MADD: variants seen among roughly 807,000 people sequenced by gnomAD.
MADD encodes MAP kinase-activating death domain protein.
MADD carries 109 observed loss-of-function variants against 176.7 expected under a neutral mutation model. That is an observed-to-expected ratio of 0.62 (90% CI 0.53 to 0.72). The LOEUF is 0.72. Ranked by LOEUF, MADD falls within the 30% of genes least tolerant of loss-of-function variation. MADD has a pLI of 0.00. For missense variants in MADD, 1,914 were observed against 2,045.5 expected (o/e 0.94, Z 1.24); for synonymous variants, 771 against 771.3 (o/e 1.00, Z 0.01).
intron 20 of MADD, among the ~76,000 whole-genome samples, chr11:47,295,209 G>A (rs996866392): frequency 6.6e-6 from 1 of 151,700 alleles, no homozygotes; most frequent in Non-Finnish European, 1.5e-5. Context: ...ATGGGGTTTC[G>A]CCATGTTGCC....
In MADD at chr11:47,289,855, T is replaced by C; in HGVS notation, c.2757-12T>C. 1 of 1,612,840 alleles carries C rather than the reference T, an allele frequency of 6.2e-7. No homozygotes were observed. Among genetic ancestry groups the C allele is most frequent in the Non-Finnish European group, 8.5e-7 (1 of 1,179,848 alleles). On this transcript the variant is annotated splice_polypyrimidine_tract_variant and intron_variant, in intron 16 of 32. Coordinates refer to ENST00000402192, the Ensembl canonical transcript of MADD. ...AGCTGATGACCACAGAAGCGGTGTG[T>C]GGACCCTGTAGTGAGAACCAGCAGT...
At chr11:47,318,343 A>G (rs971987545) in intron 27 of MADD, among the ~76,000 whole-genome samples, 12 of 152,216 alleles carry the variant, frequency 7.9e-5, no homozygotes, top group African/African-American at 2.4e-4. Context: ...CAGGTGGTCT[A>G]CCAAACGCAA....
chr11:47,274,669 C>T lies in MADD; in HGVS notation c.169C>T (p.Gln57Ter). 1 of 1,614,196 alleles carries T rather than the reference C, an allele frequency of 6.2e-7. No homozygotes were observed. Among genetic ancestry groups the T allele is most frequent in the Non-Finnish European group, 8.5e-7 (1 of 1,180,044 alleles). The stretch of plus-strand genomic sequence containing the variant: ...GCCCCCAGATGTAGTGTTCTTCTGC[C>T]AGCCCGAGGGCTGCCTGAGCGTGCG... Residue 57 changes from glutamine to a stop codon, truncating the protein, a stop_gained, in exon 3 of 33, where the codon CAG (glutamine) becomes TAG (stop). Coordinates refer to ENST00000402192, the Ensembl canonical transcript of MADD. LOFTEE classifies it high-confidence loss of function.
At chr11:47,307,645 CTT>C (rs1159637532) in intron 22 of MADD, among the ~76,000 whole-genome samples, 17 of 142,248 alleles carry the variant, frequency 1.2e-4, no homozygotes, top group Admixed American at 1.4e-4. Context: ...AGTTGAAAAT[CTT>C]TTTTTTTTTT....
At chr11:47,273,387 C>T (rs552466824) in intron 1 of MADD, among the ~76,000 whole-genome samples, 67 of 151,962 alleles carry the variant, frequency 4.4e-4, no homozygotes, top group Non-Finnish European at 7.7e-4. Context: ...CACCCAGGCT[C>T]GAGTGCAGTG....
chr11:47,284,566 G>A lies in MADD; in HGVS notation c.2157+1G>A. 6.2e-7 allele frequency: 1 copy of A among 1,613,408 alleles called. No homozygotes were observed. The highest frequency in any genetic ancestry group is 8.5e-7 in the Non-Finnish European group (1 of 1,179,764). On this transcript the variant is annotated splice_donor_variant, in intron 12 of 32. Coordinates refer to ENST00000402192, the Ensembl canonical transcript of MADD. LOFTEE classifies it high-confidence loss of function. Reference sequence around the variant, plus strand: ...CACTGTCATCCACGGAGCCAACTCTGTAAGTGAGGAGCGGTGGATGAGTGA... The same window carrying A: ...CACTGTCATCCACGGAGCCAACTCTATAAGTGAGGAGCGGTGGATGAGTGA...
chr11:47,327,792 T>G, intron 31 of MADD: 4 of 985,420 alleles, frequency 4.1e-6, no homozygotes, highest in Non-Finnish European at 4.8e-6. Context: ...CCAATTCTCC[T>G]CCTGCCTTTT....
intron 22 of MADD, among the ~76,000 whole-genome samples, chr11:47,304,566 TTC>T (rs1288595422): frequency 1.4e-5 from 2 of 143,748 alleles, no homozygotes; most frequent in Non-Finnish European, 3.0e-5. Context: ...CATTGAATTA[TTC>T]AGCTGCAAGA....
At chr11:47,302,079 G>A (rs2078194583) in intron 22 of MADD, among the ~76,000 whole-genome samples, 1 of 152,120 alleles carries the variant, frequency 6.6e-6, no homozygotes, top group Non-Finnish European at 1.5e-5. Context: ...AACTGTTATT[G>A]TATTGGTGTG....
At chr11:47,282,934 A>G (rs1338685409) in exon 10 of MADD, 10 of 1,613,814 alleles carry the variant, frequency 6.2e-6, no homozygotes, top group Non-Finnish European at 8.5e-6. Context: ...GTGTACCACC[A>G]GAGCGGGACT....
In MADD at chr11:47,325,023, G is replaced by T. The variant is rs113142712; in HGVS notation, c.4542+446G>T. The stretch of plus-strand genomic sequence containing the variant: ...TGCGTGTGCGTGCGTGCGTGCCTGC[G>T]TGCTTGTGTGTAAGTAGCTTGTATC... On this transcript the variant is annotated intron_variant, in intron 30 of 32. Coordinates refer to ENST00000402192, the Ensembl canonical transcript of MADD. This position sits in a 1 kb window ranked among gnomAD's most constrained non-coding sequence, Gnocchi z 4.5. The T allele has an allele frequency of 1.2e-5, 6 of 517,236 alleles. No homozygotes were observed. The highest frequency in any genetic ancestry group is 1.2e-4 in the South Asian group (5 of 43,164). 32.0% of individuals were successfully genotyped at this position (517,236 alleles called of 1,614,324 possible). A position where few individuals can be genotyped will look rare whatever the true frequency, so the allele number is the denominator to read the frequency against.
chr11:47,276,491 G>A (rs2049989541), intron 4 of MADD, among the ~76,000 whole-genome samples: 1 of 152,192 alleles, frequency 6.6e-6, no homozygotes, highest in Non-Finnish European at 1.5e-5. Context: ...GAGTGGTCCT[G>A]GGATGGGCAG....
chr11:47,318,831 A>G (rs1443583147), intron 27 of MADD, among the ~76,000 whole-genome samples: 4 of 110,762 alleles, frequency 3.6e-5, no homozygotes, highest in African/African-American at 1.1e-4. Context: ...TTTTTGAGAC[A>G]GAGTCTCACT....
chr11:47,283,097 T>G, intron 10 of MADD, 128 bp downstream of exon 10: 1 of 818,902 alleles, frequency 1.2e-6, no homozygotes, highest in Non-Finnish European at 1.6e-6. Context: ...TTTTATTTTA[T>G]TTATTTATTT....
chr11:47,275,951 A>G (rs986444386), exon 4 of MADD: 4 of 1,613,892 alleles, frequency 2.5e-6, no homozygotes, highest in African/African-American at 1.3e-5. Context: ...GGAGAAGTCA[A>G]GTGCCCTTCT....
chr11:47,309,591 C>G (rs2086238506), exon 25 of MADD: 2 of 1,613,754 alleles, frequency 1.2e-6, no homozygotes, highest in Non-Finnish European at 1.7e-6. Flanking sequence ...ACAACCTCAT[C>G]TCCTACATGC....
At chr11:47,297,632 G>A (rs1300828410) in intron 22 of MADD, among the ~76,000 whole-genome samples, 1 of 151,430 alleles carries the variant, frequency 6.6e-6, no homozygotes, top group African/African-American at 2.4e-5. Flanking sequence ...ATTTTTAGTG[G>A]AGATGGGGTT....
intron 1 of MADD, among the ~76,000 whole-genome samples, 176 bp downstream of exon 1, chr11:47,270,422 G>T (rs1724788148): frequency 6.6e-6 from 1 of 150,742 alleles, no homozygotes; most frequent in Non-Finnish European, 1.5e-5. Context: ...ACGGGGATGG[G>T]GGCGCCCCGG....
At chr11:47,307,233 A>G (rs2140555606) in intron 22 of MADD, among the ~76,000 whole-genome samples, 1 of 152,308 alleles carries the variant, frequency 6.6e-6, no homozygotes, top group South Asian at 2.1e-4. Context: ...TGCTTTAATA[A>G]GAGTATTTGA....
Sources: allele counts gnomAD v4.1 joint callset (sites outside exome capture counted in the v4.1 genomes callset), GRCh38; gene constraint gnomAD v4.1.1; non-coding constraint Gnocchi (gnomAD v3.1); transcripts MANE v1.5; gene names NCBI Gene and HGNC (gene_info 2026-07-23, HGNC 2026-07-21).